The following LMBR1 variants were observed in gnomAD, a reference collection of about 807,000 sequenced individuals.
The protein encoded by LMBR1 is limb development membrane protein 1.
Under a neutral mutation model 73.9 loss-of-function variants are expected in LMBR1, and 52 were observed. The ratio of observed to expected loss-of-function variants is 0.70; its 90% CI spans 0.56 to 0.89. The LOEUF (loss-of-function observed/expected upper bound fraction) is 0.89. Among genes scored for constraint, LMBR1 ranks in the 40% least tolerant of loss-of-function variants. LMBR1 has a pLI of 0.00. For missense variants in LMBR1, 539 were observed against 579.8 expected (o/e 0.93, Z 0.72); for synonymous variants, 215 against 209.4 (o/e 1.03, Z -0.23).
At chr7:156,845,703 G>A (rs991337137) in intron 1 of LMBR1, among the ~76,000 whole-genome samples, 2 of 151,800 alleles carry the variant, frequency 1.3e-5, no homozygotes, top group Non-Finnish European at 2.9e-5. Context: ...AGGCTGAAGC[G>A]CAGTGGCACA....
At chr7:156,860,946 T>C (rs1294714189) in intron 1 of LMBR1, among the ~76,000 whole-genome samples, 2 of 152,230 alleles carry the variant, frequency 1.3e-5, no homozygotes, top group East Asian at 1.9e-4. Flanking sequence ...CCAGCTAGCA[T>C]TGAGTGTCTG....
chr7:156,762,755 C>T (rs775883732), intron 7 of LMBR1, among the ~76,000 whole-genome samples: 1 of 151,898 alleles, frequency 6.6e-6, no homozygotes, highest in Non-Finnish European at 1.5e-5. Flanking sequence ...GGGGGTGAGG[C>T]TATAGCATGT....
intron 9 of LMBR1, among the ~76,000 whole-genome samples, chr7:156,754,326 T>C (rs1215130714): frequency 1.3e-5 from 2 of 152,186 alleles, no homozygotes; most frequent in Admixed American, 6.6e-5. Context: ...ACTCTAGTAA[T>C]ATCATAACTA....
At chr7:156,689,305 T>C (rs760297679) in intron 15 of LMBR1, among the ~76,000 whole-genome samples, 5 of 152,084 alleles carry the variant, frequency 3.3e-5, no homozygotes, top group Non-Finnish European at 7.4e-5. Flanking sequence ...TACAAAGAAT[T>C]AGAATAAGTA....
downstream of LMBR1, chr7:156,677,178 C>A (rs984474400): frequency 7.2e-5 from 11 of 152,530 alleles, no homozygotes; most frequent in African/African-American, 2.6e-4. Context: ...TTAGTTCACA[C>A]ATTTTAAAAA....
intron 4 of LMBR1, among the ~76,000 whole-genome samples, chr7:156,802,126 G>T (rs1283492814): frequency 6.6e-6 from 1 of 152,158 alleles, no homozygotes; most frequent in Admixed American, 6.5e-5. Context: ...GGGATAACAG[G>T]CACGCGCCAC....
intron 4 of LMBR1, among the ~76,000 whole-genome samples, chr7:156,672,173 C>A (rs1433026543): frequency 6.6e-6 from 1 of 152,134 alleles, no homozygotes; most frequent in Non-Finnish European, 1.5e-5. Context: ...TGTTAAGGGC[C>A]ACCCTCCCTG....
Position 156,741,774 on chromosome 7 carries a change from A to C in LMBR1, c.758-7517T>G, listed in dbSNP as rs149262284. Among the ~76,000 whole-genome samples the C allele has an allele frequency of 3.7e-3, 570 of 152,268 alleles. 2 individuals are homozygous for C. The highest frequency in any genetic ancestry group is 0.01 in the Middle Eastern group (3 of 294). ...AAAATCAAAAAGAAACATCAAACTT[A>C]ATCTGTACTGTACAACAAATGGACC... On this transcript the variant is annotated intron_variant, in intron 9 of 16. Coordinates refer to ENST00000353442, the MANE Select transcript of LMBR1 (RefSeq NM_022458.4).
At chr7:156,723,352 G>A (rs765874429) in intron 15 of LMBR1, among the ~76,000 whole-genome samples, 2 of 152,038 alleles carry the variant, frequency 1.3e-5, no homozygotes, top group Non-Finnish European at 2.9e-5. Flanking sequence ...AAAATTTAAT[G>A]ATCAAAATTT....
intron 1 of LMBR1, among the ~76,000 whole-genome samples, chr7:156,883,462 T>C (rs2134497739): frequency 6.6e-6 from 1 of 152,206 alleles, no homozygotes; most frequent in South Asian, 2.1e-4. Context: ...AATTAGAATG[T>C]CCCAGTTTCC....
chr7:156,779,469 C>T (rs949647608), intron 5 of LMBR1, among the ~76,000 whole-genome samples: 1 of 152,034 alleles, frequency 6.6e-6, no homozygotes, highest in Admixed American at 6.5e-5. Flanking sequence ...AGGTTAAATT[C>T]GATGAAATAG....
rs766975588 is a variant in LMBR1 at position 156,756,500 on chromosome 7, C to A, written c.685-35G>T. The A allele has an allele frequency of 1.1e-5, 11 of 1,001,538 alleles. No homozygotes were observed. The East Asian group carries it at 2.4e-4, about 22-fold the overall frequency. 62.0% of individuals were successfully genotyped at this position (1,001,538 alleles called of 1,614,324 possible). ...AAGATAAAACTATTCAATAATTCAA[C>A]GTTATAAAACGAATGCTTATGAGAC... On this transcript the variant is annotated intron_variant, in intron 8 of 16. Coordinates refer to ENST00000353442, the MANE Select transcript of LMBR1 (RefSeq NM_022458.4).
intron 5 of LMBR1, among the ~76,000 whole-genome samples, chr7:156,791,110 A>C (rs1309302066): frequency 1.3e-5 from 2 of 152,206 alleles, no homozygotes; most frequent in Non-Finnish European, 2.9e-5. Flanking sequence ...AACACGTAAC[A>C]ATAGTTAGTG....
At chr7:156,788,498 G>A (rs754232796) in intron 5 of LMBR1, among the ~76,000 whole-genome samples, 24 of 151,396 alleles carry the variant, frequency 1.6e-4, no homozygotes, top group Non-Finnish European at 2.4e-4. Context: ...TCAAAACCAC[G>A]CCTATGGCTT....
intron 15 of LMBR1, among the ~76,000 whole-genome samples, chr7:156,697,403 C>A (rs1193628886): frequency 1.3e-5 from 2 of 152,104 alleles, no homozygotes; most frequent in African/African-American, 4.8e-5. Context: ...ACTGGTCTGA[C>A]CACAAATTTA....
At chr7:156,773,940 T>C (rs1218532582) in intron 5 of LMBR1, among the ~76,000 whole-genome samples, 2 of 151,550 alleles carry the variant, frequency 1.3e-5, no homozygotes, top group Non-Finnish European at 2.9e-5. Context: ...AGCTAAAGAA[T>C]GGGAGACAAT....
chr7:156,759,242 A>G (rs772533902), intron 8 of LMBR1, among the ~76,000 whole-genome samples: 4 of 152,240 alleles, frequency 2.6e-5, no homozygotes, highest in African/African-American at 7.2e-5. Context: ...CTTATCTGAC[A>G]GCTTAAATTA....
intron 2 of LMBR1, among the ~76,000 whole-genome samples, chr7:156,836,142 A>G (rs1323671063): frequency 4.6e-5 from 7 of 152,244 alleles, no homozygotes; most frequent in Admixed American, 3.9e-4. Context: ...AACTGATAGC[A>G]TAATATTAAG....
At chr7:156,790,275 T>C (rs1828969096) in intron 5 of LMBR1, among the ~76,000 whole-genome samples, 1 of 152,118 alleles carries the variant, frequency 6.6e-6, no homozygotes, top group African/African-American at 2.4e-5. Flanking sequence ...TTTAAGCACC[T>C]AATAATAACT....
Sources: gnomAD v4.1 joint callset for allele counts (sites outside exome capture counted in the v4.1 genomes callset) on GRCh38, gnomAD v4.1.1 for gene constraint, MANE v1.5 for transcripts, NCBI Gene and HGNC (gene_info 2026-07-23, HGNC 2026-07-21) for gene names.